PDE1A: variants seen among roughly 807,000 people sequenced by gnomAD.
The protein encoded by PDE1A is dual specificity calcium/calmodulin-dependent 3',5'-cyclic nucleotide phosphodiesterase 1A.
In PDE1A, 35 loss-of-function variants were observed where a neutral mutation model predicts 61.7. The observed-to-expected ratio is 0.57, with a 90% CI of 0.43 to 0.75. PDE1A has a LOEUF of 0.75. Ranked by LOEUF, PDE1A falls within the 30% of genes least tolerant of loss-of-function variation. PDE1A has a pLI of 0.00. For missense variants in PDE1A, 597 were observed against 630.6 expected (o/e 0.95, Z 0.57); for synonymous variants, 232 against 213.2 (o/e 1.09, Z -0.77).
intron 1 of PDE1A, among the ~76,000 whole-genome samples, chr2:182,385,912 C>T (rs1388701230): frequency 1.3e-5 from 2 of 151,920 alleles, no homozygotes; most frequent in Admixed American, 6.5e-5. Flanking sequence ...GATGCCCGGC[C>T]GAAGCTGGAC....
At chr2:182,573,872 T>TATATATATTA in the PDE1A span, among the ~76,000 whole-genome samples, 1 of 139,918 alleles carries the variant, frequency 7.1e-6, no homozygotes, top group East Asian at 1.9e-4. Flanking sequence ...TATACATATG[T>TATATATATTA]ATATATATTA....
chr2:182,347,379 G>A (rs560123123), intron 1 of PDE1A, among the ~76,000 whole-genome samples: 110 of 152,044 alleles, frequency 7.2e-4, no homozygotes, highest in African/African-American at 1.9e-3. Context: ...TAAAATCTTC[G>A]GAGCTTTCAG....
Position 182,403,175 on chromosome 2 carries a change from A to G in PDE1A, c.53+23403T>C, listed in dbSNP as rs1029381444. Among the ~76,000 whole-genome samples the G allele has an allele frequency of 3.9e-5, 6 of 152,222 alleles. 1 individual carries two copies. Among genetic ancestry groups the G allele is most frequent in the African/African-American group, 1.4e-4 (6 of 41,444 alleles). ...TGACCCAGCAATCCCATTACTGGGT[A>G]TATACCCAAAGGACTATAAATCATT... is the stretch of plus-strand genomic sequence containing the variant. On this transcript the variant is annotated intron_variant, in intron 1 of 13. Coordinates refer to ENST00000351439, the Ensembl canonical transcript of PDE1A.
At chr2:182,650,761 G>A in the PDE1A span, among the ~76,000 whole-genome samples, 6 of 151,896 alleles carry the variant, frequency 4.0e-5, no homozygotes, top group East Asian at 1.9e-4. Flanking sequence ...TTGTATCCTC[G>A]GCATTAAAGA....
chr2:182,704,232 A>C, the PDE1A span, among the ~76,000 whole-genome samples: 3 of 151,694 alleles, frequency 2.0e-5, no homozygotes, highest in South Asian at 2.1e-4. Flanking sequence ...AAAACAAAAA[A>C]AAAAAACTCA....
chr2:182,510,816 C>T (rs1415867436), intron 2 of PDE1A, among the ~76,000 whole-genome samples: 1 of 152,164 alleles, frequency 6.6e-6, no homozygotes, highest in Non-Finnish European at 1.5e-5. Flanking sequence ...AGCTCTCTCT[C>T]CTTATATACC....
At chr2:182,228,802 T>C (rs1689340395) in intron 6 of PDE1A, among the ~76,000 whole-genome samples, 1 of 152,162 alleles carries the variant, frequency 6.6e-6, no homozygotes, top group South Asian at 2.1e-4. Flanking sequence ...CACCAGACTA[T>C]TTTTGTAATG....
intron 2 of PDE1A, among the ~76,000 whole-genome samples, chr2:182,456,197 T>C (rs1236798438): frequency 6.6e-6 from 1 of 152,070 alleles, no homozygotes; most frequent in Non-Finnish European, 1.5e-5. Flanking sequence ...CCTGGATCAG[T>C]AGCATCCACT....
At chr2:182,378,354 C>A (rs1424147315) in intron 1 of PDE1A, among the ~76,000 whole-genome samples, 1 of 152,010 alleles carries the variant, frequency 6.6e-6, no homozygotes, top group East Asian at 1.9e-4. Flanking sequence ...TCAATATTGA[C>A]CTGGCCATGA....
At chr2:182,153,353 G>C (rs1690895640) in intron 13 of PDE1A, among the ~76,000 whole-genome samples, 1 of 152,186 alleles carries the variant, frequency 6.6e-6, no homozygotes, top group Non-Finnish European at 1.5e-5. Context: ...AGGAGGTACG[G>C]TGGAGCCTGA....
At chr2:182,554,005 G>C in the PDE1A span, among the ~76,000 whole-genome samples, 17 of 152,270 alleles carry the variant, frequency 1.1e-4, no homozygotes, top group African/African-American at 4.1e-4. Flanking sequence ...TTTTAGGCAG[G>C]GGGGTTACGG....
intron 2 of PDE1A, among the ~76,000 whole-genome samples, chr2:182,470,059 A>T (rs1686930265): frequency 6.6e-6 from 1 of 151,930 alleles, no homozygotes; most frequent in Admixed American, 6.6e-5. Context: ...AAGAATTATC[A>T]GAATGTGAGA....
At chr2:182,580,038 A>C in the PDE1A span, among the ~76,000 whole-genome samples, 1 of 152,224 alleles carries the variant, frequency 6.6e-6, no homozygotes, top group African/African-American at 2.4e-5. Context: ...TCTTCAAAAC[A>C]AACTATAACT....
intron 1 of PDE1A, chr2:182,522,466 C>T (rs1690629364): frequency 2.5e-6 from 4 of 1,583,062 alleles, no homozygotes; most frequent in Non-Finnish European, 3.4e-6. Context: ...CACACTTATA[C>T]AGTAGCCTCT....
chr2:182,146,953 A>C, downstream of PDE1A: 1 of 537,420 alleles, frequency 1.9e-6, no homozygotes, highest in East Asian at 3.1e-5. Context: ...GAGGGCATTT[A>C]AATAAGAAAA....
At chr2:182,278,035 G>GTATTCAAT (rs1483762432) in intron 1 of PDE1A, among the ~76,000 whole-genome samples, 3 of 152,048 alleles carry the variant, frequency 2.0e-5, no homozygotes, top group Non-Finnish European at 2.9e-5. Context: ...TATGTGGTCT[G>GTATTCAAT]GCCAAGAGAT....
chr2:182,264,287 A>G lies in PDE1A; in HGVS notation c.167+14T>C. 1.3e-6 allele frequency: 2 copies of G among 1,515,854 alleles called. No homozygotes were observed. Among genetic ancestry groups the G allele is most frequent in the Non-Finnish European group, 1.8e-6 (2 of 1,096,948 alleles). The allele number at this position is 1,515,854 out of a possible 1,614,324, so 93.9% of individuals were successfully genotyped here. On this transcript the variant is annotated intron_variant, in intron 2 of 13. Transcript: ENST00000351439. The stretch of plus-strand genomic sequence containing the variant: ...GAATCAAAGAAGATAAAAGAGAAGA[A>G]GGTTAAAACTTACCTTGTTTCATCG...
rs1344504883 is a variant in PDE1A, at chr2:182,274,553, T to C, written c.54-10139A>G. On this transcript the variant is annotated intron_variant, in intron 1 of 13. Transcript: ENST00000351439. ...AGCGTCTCTTGAAAGGCCAATTTTT[T>C]GGAGATACAATTTGTGGCATAAAAA... Among the ~76,000 whole-genome samples, 3 of 152,234 alleles carry C rather than the reference T, an allele frequency of 2.0e-5. No individual in the cohort carries two copies. The East Asian group carries it at 5.8e-4, about 29-fold the overall frequency.
intron 13 of PDE1A, among the ~76,000 whole-genome samples, chr2:182,176,333 C>T (rs1190317084): frequency 1.3e-5 from 2 of 149,392 alleles, no homozygotes; most frequent in Non-Finnish European, 2.9e-5. Flanking sequence ...AATGTTCTTC[C>T]ATTTGTTTGT....
Sources: allele counts gnomAD v4.1 joint callset (sites outside exome capture counted in the v4.1 genomes callset), GRCh38; gene constraint gnomAD v4.1.1; transcripts MANE v1.5; gene names NCBI Gene and HGNC (gene_info 2026-07-23, HGNC 2026-07-21).